Variants in FGL1 observed in about 807,000 individuals in gnomAD.
FGL1 encodes fibrinogen like 1.
In FGL1, 59 loss-of-function variants were observed where a neutral mutation model predicts 43.7. That is an observed-to-expected ratio of 1.35 (90% CI 1.10 to 1.68). The LOEUF is 1.68. Ranked by LOEUF, FGL1 falls within the 40% of genes most tolerant of loss-of-function variation. The pLI is 0.00. For synonymous variants in FGL1, 192 were observed against 126.5 expected, an observed-to-expected ratio of 1.52 and a Z score of -3.48; for missense variants, 596 against 373.0, an observed-to-expected ratio of 1.60 and a Z score of -4.92.
At chr8:17,892,836 T>C (rs1450350152) in intron 1 of FGL1, among the ~76,000 whole-genome samples, 2 of 152,232 alleles carry the variant, frequency 1.3e-5, no homozygotes, top group Non-Finnish European at 2.9e-5. Context: ...ATTTTTTTAT[T>C]TGATTAAAGT....
intron 3 of FGL1, among the ~76,000 whole-genome samples, chr8:17,877,274 T>A (rs2053470441): frequency 6.6e-6 from 1 of 152,134 alleles, no homozygotes; most frequent in Non-Finnish European, 1.5e-5. Context: ...ATTTACATAA[T>A]ACTAGACAGA....
In FGL1 at chr8:17,864,494, C is replaced by T; in HGVS notation, c.*98G>A. 7.6e-7 allele frequency: 1 copy of T among 1,318,332 alleles called. No individual in the cohort carries two copies. The highest frequency in any genetic ancestry group is 1.5e-5 in the African/African-American group (1 of 66,836). The allele number at this position is 1,318,332 out of a possible 1,614,324, so 81.7% of individuals were successfully genotyped here. A position where few individuals can be genotyped will look rare whatever the true frequency, so the allele number is the denominator to read the frequency against. The stretch of plus-strand genomic sequence containing the variant: ...GAAGAATGAAAAGCACTACTCACAA[C>T]AGTTATCATGATTGCGCATGGATAT... On this transcript the variant is annotated 3_prime_UTR_variant, in exon 8 of 8. Coordinates refer to ENST00000427924, the MANE Select transcript of FGL1 (RefSeq NM_004467.4).
chr8:17,870,623 G>A lies in FGL1; in HGVS notation c.503-1619C>T, dbSNP rs553991369. ...TCCATCACTTATAGCAAGGGGCTTT[G>A]GATCCACTTGTGGACATCCCAGGCT... On this transcript the variant is annotated intron_variant, in intron 5 of 7. Coordinates refer to ENST00000427924, the MANE Select transcript of FGL1 (RefSeq NM_004467.4). Among the ~76,000 whole-genome samples the A allele has an allele frequency of 1.0e-3, 152 of 152,234 alleles. 1 individual carries two copies. Among genetic ancestry groups the A allele is most frequent in the Non-Finnish European group, 1.8e-3 (121 of 68,000 alleles).
chr8:17,881,571 C>G (rs1006861426), intron 3 of FGL1, among the ~76,000 whole-genome samples: 1 of 150,522 alleles, frequency 6.6e-6, no homozygotes, highest in Non-Finnish European at 1.5e-5. Flanking sequence ...CGGTGGCTCA[C>G]GCCTGTAATC....
intron 1 of FGL1, chr8:17,885,877 T>C (rs35375622): frequency 0.016 from 3,593 of 224,050 alleles, 122 homozygotes; most frequent in African/African-American, 0.077. Context: ...AGTTATTTAA[T>C]GTTACACATC....
At position 17,895,471 on chromosome 8, in the gene FGL1, C is replaced by A; in HGVS notation, c.-42G>T. ...CCTAAAGTCAGAAGTGAGTCAGAGA[C>A]CCAGCTCAGGTTCCATCCAGACACT... On this transcript the variant is annotated 5_prime_UTR_variant, in exon 1 of 8. Coordinates refer to ENST00000427924, the MANE Select transcript of FGL1 (RefSeq NM_004467.4). 7.8e-7 allele frequency: 1 copy of A among 1,283,174 alleles called. No homozygotes were observed. The highest frequency in any genetic ancestry group is 1.0e-6 in the Non-Finnish European group (1 of 983,280). 79.5% of individuals were successfully genotyped at this position (1,283,174 alleles called of 1,614,324 possible). A position where few individuals can be genotyped will look rare whatever the true frequency, so the allele number is the denominator to read the frequency against.
rs988226157 is a variant in FGL1 at position 17,874,363 on chromosome 8, T to C, written c.403A>G (p.Arg135Gly). 2 of 1,612,338 alleles carry C rather than the reference T, an allele frequency of 1.2e-6. No individual in the cohort carries two copies. The highest frequency in any genetic ancestry group is 8.5e-7 in the Non-Finnish European group (1 of 1,179,408). Reference sequence around the variant, plus strand: ...AGTCTTACATCATAATTAGCACACCTGTTAAAGTTTTCACTGCCATCAGAT... The same window carrying C: ...AGTCTTACATCATAATTAGCACACCCGTTAAAGTTTTCACTGCCATCAGAT... ...RRSDGSENFN[R>G]GWKDYENGFG... Residue 135 changes from arginine to glycine, a missense_variant and splice_region_variant, in exon 4 of 8, where the codon AGA (arginine) becomes GGA (glycine). Arg to Gly is a moderately radical substitution (Grantham distance 125). Transcript: ENST00000427924.
chr8:17,882,137 G>T lies in FGL1; in HGVS notation c.106C>A (p.Gln36Lys), dbSNP rs542442094. Residue 36 changes from glutamine (Q) to lysine (K), a missense_variant, in exon 3 of 8, where the codon CAG becomes AAG. Transcript: ENST00000427924. ...ACCCGGGTCTCAAGCAGGCGCACCT[G>T]GGCTCTGAGCCGCATCTGCTCCTGG... ...CAQEQMRLRA[Q>K]VRLLETRVKQ... 6.2e-7 allele frequency: 1 copy of T among 1,613,908 alleles called. No homozygotes were observed. The highest frequency in any genetic ancestry group is 2.2e-5 in the East Asian group (1 of 44,850).
At chr8:17,874,235 C>T (rs1255365862) in intron 4 of FGL1, 119 bp from the exon 5 acceptor site, 3 of 1,362,964 alleles carry the variant, frequency 2.2e-6, no homozygotes, top group Admixed American at 4.2e-5. Context: ...AATTCATTTT[C>T]AGTATTCTTC....
At position 17,864,429 on chromosome 8, in the gene FGL1, C is replaced by G; in HGVS notation, c.*163G>C. On this transcript the variant is annotated 3_prime_UTR_variant, in exon 8 of 8. Coordinates refer to ENST00000427924, the MANE Select transcript of FGL1 (RefSeq NM_004467.4). ...CATTTATTTGGTGAATATTGCATAT[C>G]TGCTGTACTGAAAGCACATTAAGTA... 1.5e-6 allele frequency: 1 copy of G among 653,810 alleles called. No individual in the cohort carries two copies. The highest frequency in any genetic ancestry group is 2.5e-6 in the Non-Finnish European group (1 of 399,596). 40.5% of individuals were successfully genotyped at this position (653,810 alleles called of 1,614,324 possible).
At chr8:17,872,078 T>C (rs1280121675) in intron 5 of FGL1, among the ~76,000 whole-genome samples, 8 of 151,972 alleles carry the variant, frequency 5.3e-5, no homozygotes, top group Non-Finnish European at 7.4e-5. Context: ...ATAATAGATA[T>C]GTTGAAGGAA....
chr8:17,883,045 TATA>T (rs2053566589), intron 2 of FGL1, among the ~76,000 whole-genome samples: 1 of 93,028 alleles, frequency 1.1e-5, no homozygotes, highest in Non-Finnish European at 1.7e-5. Context: ...ATATTAAATA[TATA>T]ATATATATCA....
At chr8:17,871,765 C>G (rs147417556) in intron 5 of FGL1, among the ~76,000 whole-genome samples, 1 of 152,026 alleles carries the variant, frequency 6.6e-6, no homozygotes, top group Non-Finnish European at 1.5e-5. Context: ...TGATGGGATA[C>G]GTGGGTGGGG....
chr8:17,883,325 T>A (rs1184885045), intron 2 of FGL1, among the ~76,000 whole-genome samples: 1 of 108,934 alleles, frequency 9.2e-6, no homozygotes, highest in Non-Finnish European at 1.6e-5. Context: ...TATAATAATA[T>A]ATAATATATT....
rs1463445794 is a variant in FGL1, at chr8:17,864,533, A to G, written c.*59T>C. 11 of 1,534,424 alleles carry G rather than the reference A, an allele frequency of 7.2e-6. No individual in the cohort carries two copies. Among genetic ancestry groups the G allele is most frequent in the Non-Finnish European group, 7.9e-6 (9 of 1,137,514 alleles). On this transcript the variant is annotated 3_prime_UTR_variant, in exon 8 of 8. Coordinates refer to ENST00000427924, the MANE Select transcript of FGL1 (RefSeq NM_004467.4). Reference sequence around the variant, plus strand: ...GCGCATGGATATGTTCAGAATGAGTATTTTTCAAATCACTTTAAACAAAGC... The same window carrying G: ...GCGCATGGATATGTTCAGAATGAGTGTTTTTCAAATCACTTTAAACAAAGC...
chr8:17,875,443 GCAAATGTAGCTACCCCTTTGTCAC>G (rs2053429848), intron 3 of FGL1, among the ~76,000 whole-genome samples: 1 of 151,866 alleles, frequency 6.6e-6, no homozygotes, highest in Non-Finnish European at 1.5e-5. Flanking sequence ...GAACACTGAA[GCAAATGTAGCTACCCCTTTGTCAC>G]CAAAAAGTGA....
chr8:17,875,780 T>G (rs927417564), intron 3 of FGL1, among the ~76,000 whole-genome samples: 2 of 152,040 alleles, frequency 1.3e-5, no homozygotes, highest in African/African-American at 4.8e-5. Flanking sequence ...AATTTTTTTG[T>G]ATTTTTAGTA....
intron 1 of FGL1, chr8:17,891,818 C>G: frequency 1.0e-6 from 1 of 982,376 alleles, no homozygotes; most frequent in Non-Finnish European, 1.2e-6. Context: ...CTTCCAGCAA[C>G]AACAAAAATA....
At chr8:17,874,608 A>G (rs1585133536) in intron 3 of FGL1, 87 bp from the exon 4 acceptor site, 2 of 972,786 alleles carry the variant, frequency 2.1e-6, no homozygotes, top group South Asian at 1.9e-5. Flanking sequence ...ACTACTCAGT[A>G]TCACTGGAGA....
Sources: gnomAD v4.1 joint callset for allele counts (sites outside exome capture counted in the v4.1 genomes callset) on GRCh38, gnomAD v4.1.1 for gene constraint, MANE v1.5 for transcripts, NCBI Gene and HGNC (gene_info 2026-07-23, HGNC 2026-07-21) for gene names.